JPH1: variants seen among roughly 807,000 people sequenced by gnomAD.
JPH1 encodes junctophilin 1, also known as junctophilin-1.
In JPH1, 12 loss-of-function variants were observed where a neutral mutation model predicts 53.6. That is an observed-to-expected ratio of 0.22 (90% CI 0.14 to 0.36). The LOEUF is 0.36. JPH1 is among the 10% of genes least tolerant of loss of function. The probability of loss-of-function intolerance (pLI) is 1.00; values close to 1 mark genes in which losing one functional copy is unlikely to be tolerated. For missense variants in JPH1, 808 were observed against 905.5 expected, an observed-to-expected ratio of 0.89 and a Z score of 1.38; for synonymous variants, 375 against 363.8, an observed-to-expected ratio of 1.03 and a Z score of -0.35.
chr8:74,252,748 A>G (rs984441696), intron 3 of JPH1, among the ~76,000 whole-genome samples: 1 of 152,140 alleles, frequency 6.6e-6, no homozygotes, highest in Admixed American at 6.5e-5. Context: ...TTGCAATCCT[A>G]GTCTCAGATA....
At chr8:74,283,934 G>A (rs1159342016) in intron 2 of JPH1, among the ~76,000 whole-genome samples, 1 of 152,030 alleles carries the variant, frequency 6.6e-6, no homozygotes, top group South Asian at 2.1e-4. Context: ...GGCAAGTAGC[G>A]CTTGGATGGG....
Position 74,245,055 on chromosome 8 carries a change from G to A in JPH1, c.1379C>T (p.Thr460Met), listed in dbSNP as rs776059116. Residue 460 changes from threonine to methionine, a missense_variant, in exon 4 of 6, where the codon ACG becomes ATG. Thr to Met is a moderately conservative substitution (Grantham distance 81). Coordinates refer to ENST00000342232, the MANE Select transcript of JPH1 (RefSeq NM_020647.4). ...KESPHFYRKG[T>M]TPPRSPEASP... is the part of the protein sequence containing the mutation. ...TGCCTCAGGAGATCTTGGGGGTGTC[G>A]TGCCTTTGCGATAAAAATGAGGAGA... 3.7e-6 allele frequency: 6 copies of A among 1,613,890 alleles called. No homozygotes were observed. Among genetic ancestry groups the A allele is most frequent in the South Asian group, 2.2e-5 (2 of 91,060 alleles).
intron 4 of JPH1, among the ~76,000 whole-genome samples, chr8:74,243,225 G>A (rs897530888): frequency 6.6e-6 from 1 of 152,160 alleles, no homozygotes; most frequent in South Asian, 2.1e-4. Flanking sequence ...ATTCAATAGT[G>A]ATTATTATAG....
Position 74,237,664 on chromosome 8 carries a change from T to C in JPH1, c.1906-361A>G, listed in dbSNP as rs77956730. On this transcript the variant is annotated intron_variant, in intron 4 of 5. Coordinates refer to ENST00000342232, the MANE Select transcript of JPH1 (RefSeq NM_020647.4). The stretch of plus-strand genomic sequence containing the variant: ...CGTGCATTTGTTGTTAGAATGCAGT[T>C]CAGATGAGGAAGAGCTGCTTCCTCC... 9.1e-3 allele frequency among the ~76,000 whole-genome samples: 1,385 copies of C among 152,300 alleles called. 24 individuals are homozygous for C. Among genetic ancestry groups the C allele is most frequent in the African/African-American group, 0.032 (1,314 of 41,548 alleles).
In JPH1 at chr8:74,259,472, C is replaced by T. The variant is rs1192250571; in HGVS notation, c.1171G>A (p.Ala391Thr). Residue 391 changes from alanine (A) to threonine (T), a missense_variant, in exon 3 of 6, where the codon GCC (alanine) becomes ACC (threonine). By Grantham distance (58) the Ala-to-Thr change is moderately conservative. Around this residue, in one of 2 missense-constraint regions of JPH1, gnomAD observed 756 missense variants for 811.9 expected, o/e 0.93. Transcript: ENST00000342232. ...CGAGCGGCCAGCGCGGCCTGGTCGG[C>T]GGCATCGGCCTTCGCTCTGGCATGT... is the stretch of plus-strand genomic sequence containing the variant. Reference protein sequence around the residue: ...TAHARAKADAADQAALAARQE... With the variant: ...TAHARAKADATDQAALAARQE... 5 of 1,612,034 alleles carry T rather than the reference C, an allele frequency of 3.1e-6. No individual in the cohort carries two copies. Among genetic ancestry groups the T allele is most frequent in the Admixed American group, 1.7e-5 (1 of 59,834 alleles).
chr8:74,253,758 T>C (rs1806137257), intron 3 of JPH1, among the ~76,000 whole-genome samples: 1 of 152,060 alleles, frequency 6.6e-6, no homozygotes, highest in Non-Finnish European at 1.5e-5. Flanking sequence ...GAGAATACTA[T>C]AAACACCTAT....
chr8:74,248,253 G>T (rs1586733759), intron 3 of JPH1, among the ~76,000 whole-genome samples: 1 of 152,106 alleles, frequency 6.6e-6, no homozygotes, highest in African/African-American at 2.4e-5. Context: ...TGAGCTCAAA[G>T]AATTTACTAG....
chr8:74,286,770 T>G (rs1807176205), intron 2 of JPH1, among the ~76,000 whole-genome samples: 2 of 152,258 alleles, frequency 1.3e-5, no homozygotes, highest in Non-Finnish European at 2.9e-5. Flanking sequence ...TTTAAAATTT[T>G]TACTTGGTAC....
At chr8:74,293,023 A>G (rs1430752538) in intron 2 of JPH1, among the ~76,000 whole-genome samples, 1 of 152,226 alleles carries the variant, frequency 6.6e-6, no homozygotes, top group Non-Finnish European at 1.5e-5. Flanking sequence ...GGGAACGTCA[A>G]ACAGAGGTGT....
Position 74,280,447 on chromosome 8 carries a change from G to A in JPH1, c.1140-20944C>T, listed in dbSNP as rs557933332. 4.6e-5 allele frequency among the ~76,000 whole-genome samples: 7 copies of A among 152,162 alleles called. No individual in the cohort carries two copies. The East Asian group carries it at 1.2e-3, about 25-fold the overall frequency. On this transcript the variant is annotated intron_variant, in intron 2 of 5. Coordinates refer to ENST00000342232, the MANE Select transcript of JPH1 (RefSeq NM_020647.4). ...AAGAACTGGCCTACTCTTCAGCAAA[G>A]CAGACAGATGGTTCACATAATATTG...
intron 1 of JPH1, among the ~76,000 whole-genome samples, chr8:74,319,669 C>T (rs1266906428): frequency 2.0e-5 from 3 of 152,198 alleles, no homozygotes; most frequent in African/African-American, 7.2e-5. Context: ...ATTGTGTAAG[C>T]TTTTATATAA....
chr8:74,250,024 T>C (rs1805991986), intron 3 of JPH1, among the ~76,000 whole-genome samples: 1 of 152,230 alleles, frequency 6.6e-6, no homozygotes, highest in African/African-American at 2.4e-5. Context: ...GGCAGTGTTT[T>C]AATTTCTTTA....
In JPH1 at chr8:74,321,452, C is replaced by T. The variant is rs1808324611; in HGVS notation, c.-165G>A. ...CCAGTCCGACGCCGCCCCCGTCCTC[C>T]CTCCTCTTTTGCCGCCGCCACCGCC... On this transcript the variant is annotated 5_prime_UTR_variant, in exon 1 of 6. Coordinates refer to ENST00000342232, the MANE Select transcript of JPH1 (RefSeq NM_020647.4). The surrounding 1 kb of genome is among the most constrained non-coding windows in gnomAD (Gnocchi z 4.3). 7 of 615,910 alleles carry T rather than the reference C, an allele frequency of 1.1e-5. No homozygotes were observed. The highest frequency in any genetic ancestry group is 1.5e-5 in the Non-Finnish European group (6 of 403,532). 38.2% of individuals were successfully genotyped at this position (615,910 alleles called of 1,614,324 possible).
At chr8:74,288,530 G>A (rs1480995063) in intron 2 of JPH1, among the ~76,000 whole-genome samples, 2 of 152,132 alleles carry the variant, frequency 1.3e-5, no homozygotes, top group Middle Eastern at 3.2e-3. Context: ...GGTGGGAAGA[G>A]TAAGAAAATG....
intron 2 of JPH1, among the ~76,000 whole-genome samples, chr8:74,299,855 T>C (rs1489523706): frequency 6.6e-6 from 1 of 152,218 alleles, no homozygotes; most frequent in Non-Finnish European, 1.5e-5. Flanking sequence ...GTTACAAATA[T>C]AGCAACTGTA....
intron 2 of JPH1, among the ~76,000 whole-genome samples, chr8:74,280,029 A>G (rs1321915972): frequency 6.6e-6 from 1 of 152,194 alleles, no homozygotes; most frequent in Non-Finnish European, 1.5e-5. Context: ...TATCAGATTC[A>G]ACAAAGGAGA....
At chr8:74,271,913 C>T (rs1586749252) in intron 2 of JPH1, among the ~76,000 whole-genome samples, 1 of 152,262 alleles carries the variant, frequency 6.6e-6, no homozygotes, top group East Asian at 1.9e-4. Flanking sequence ...CTTCCAAGAG[C>T]TGGAAAACGG....
rs529698106 is a variant in JPH1 at position 74,278,598 on chromosome 8, A to C, written c.1140-19095T>G. On this transcript the variant is annotated intron_variant, in intron 2 of 5. Transcript: ENST00000342232. ...CACCTGCACACTTTGGGTTCCTCCTACCTTTTAGTCAACAGGCTAAGGGAG... is the reference window on the plus strand; with the variant it reads ...CACCTGCACACTTTGGGTTCCTCCTCCCTTTTAGTCAACAGGCTAAGGGAG... 5.2e-4 allele frequency among the ~76,000 whole-genome samples: 79 copies of C among 152,310 alleles called. No individual in the cohort carries two copies. The South Asian group carries it at 0.016, about 31-fold the overall frequency.
At position 74,294,127 on chromosome 8, in the gene JPH1, G is replaced by A. The variant is rs145484839; in HGVS notation, c.1139+20734C>T. On this transcript the variant is annotated intron_variant, in intron 2 of 5. Coordinates refer to ENST00000342232, the MANE Select transcript of JPH1 (RefSeq NM_020647.4). ...GAGGGAACTCCTCTGAATGTGGGAG[G>A]CAGGAGCATGAATGGCCACAAGGGC... is the stretch of plus-strand genomic sequence containing the variant. Among the ~76,000 whole-genome samples the A allele has an allele frequency of 3.3e-5, 5 of 152,266 alleles. No homozygotes were observed. The East Asian group carries it at 9.7e-4, about 29-fold the overall frequency.
Sources: gnomAD v4.1 joint callset for allele counts (sites outside exome capture counted in the v4.1 genomes callset) on GRCh38, gnomAD v4.1.1 for gene constraint, gnomAD v4.1.1 regional missense constraint, Gnocchi (gnomAD v3.1) non-coding constraint, MANE v1.5 for transcripts, NCBI Gene and HGNC (gene_info 2026-07-23, HGNC 2026-07-21) for gene names.